TFDP2: variants seen among roughly 807,000 people sequenced by gnomAD.
TFDP2 encodes the protein transcription factor Dp-2 (E2F dimerization partner 2).
A neutral mutation model predicts 59.3 loss-of-function variants in TFDP2; 17 were observed. The ratio of observed to expected loss-of-function variants is 0.29; its 90% CI spans 0.20 to 0.43. The LOEUF (loss-of-function observed/expected upper bound fraction) is 0.43. TFDP2 is among the 20% of genes least tolerant of loss of function. The pLI, the probability that TFDP2 is intolerant of heterozygous loss-of-function variation, is 1.00. For synonymous variants in TFDP2, 180 were observed against 194.7 expected, an observed-to-expected ratio of 0.92 and a Z score of 0.63; for missense variants, 391 against 528.8, an observed-to-expected ratio of 0.74 and a Z score of 2.56.
intron 6 of TFDP2, among the ~76,000 whole-genome samples, chr3:141,989,890 AATAATT>A (rs1383059778): frequency 2.0e-5 from 3 of 147,332 alleles, no homozygotes; most frequent in African/African-American, 5.1e-5. Flanking sequence ...TAATAATAAT[AATAATT>A]ATTATTATTA....
At chr3:141,991,056 T>G (rs1942710090) in intron 6 of TFDP2, among the ~76,000 whole-genome samples, 5 of 152,006 alleles carry the variant, frequency 3.3e-5, no homozygotes, top group Admixed American at 3.3e-4. Flanking sequence ...AGACTCCATC[T>G]CAAAAAACAA....
chr3:142,137,769 G>C (rs1170299242), intron 1 of TFDP2, among the ~76,000 whole-genome samples: 1 of 152,196 alleles, frequency 6.6e-6, no homozygotes, highest in African/African-American at 2.4e-5. Flanking sequence ...TGTGCTGCTG[G>C]ATTGGATTTG....
chr3:142,018,047 AT>A (rs1945279139), intron 3 of TFDP2, among the ~76,000 whole-genome samples: 1 of 151,946 alleles, frequency 6.6e-6, no homozygotes, highest in South Asian at 2.1e-4. Flanking sequence ...GGTTCAGGCG[AT>A]TCTCCTGCCT....
chr3:141,959,865 G>A lies in TFDP2; in HGVS notation c.885-25C>T, dbSNP rs931752368. 1.9e-6 allele frequency: 3 copies of A among 1,612,492 alleles called. No individual in the cohort carries two copies. The African/African-American group carries it at 4.0e-5, about 22-fold the overall frequency. ...CCTGCATCAGGAAACAAAGTAAAGG[G>A]TTTTTGGTGGTGCTGGAGAGGTCTG... is the stretch of plus-strand genomic sequence containing the variant. On this transcript the variant is annotated intron_variant, in intron 10 of 12. Transcript: ENST00000489671.
At chr3:142,015,900 T>A (rs1945094269) in intron 3 of TFDP2, among the ~76,000 whole-genome samples, 1 of 152,242 alleles carries the variant, frequency 6.6e-6, no homozygotes, top group African/African-American at 2.4e-5. Context: ...TAAACTGAGA[T>A]GTGCTCTAGG....
chr3:142,116,123 G>A (rs901397621), intron 1 of TFDP2, among the ~76,000 whole-genome samples: 1 of 151,286 alleles, frequency 6.6e-6, no homozygotes, highest in Non-Finnish European at 1.5e-5. Context: ...GGAATGCAGT[G>A]GTGCAATCAC....
intron 10 of TFDP2, among the ~76,000 whole-genome samples, chr3:141,960,545 C>T (rs1427719685): frequency 6.6e-6 from 1 of 152,130 alleles, no homozygotes; most frequent in Non-Finnish European, 1.5e-5. Context: ...GGGCCTCAGC[C>T]CTGCAGGGAC....
At chr3:141,969,971 CCA>C in intron 9 of TFDP2, 100 bp downstream of exon 9, 1 of 1,179,136 alleles carries the variant, frequency 8.5e-7, no homozygotes, top group South Asian at 1.2e-5. Flanking sequence ...CGTGGGCTCA[CCA>C]CACACCACTC....
chr3:141,993,504 A>G (rs1318622025), intron 6 of TFDP2, 34 bp downstream of exon 6: 1 of 1,467,206 alleles, frequency 6.8e-7, no homozygotes. Flanking sequence ...ATATAGCCAA[A>G]TCTTCCAAAC....
chr3:142,027,080 C>CAAAG (rs1553781448), intron 3 of TFDP2, among the ~76,000 whole-genome samples: 27 of 151,904 alleles, frequency 1.8e-4, no homozygotes, highest in African/African-American at 6.3e-4. Context: ...ACTTTTGCAA[C>CAAAG]TGTTTCCTCT....
At position 141,951,687 on chromosome 3, in the gene TFDP2, T is replaced by C. The variant is rs1416771777; in HGVS notation, c.*826A>G. ...AAATGAAAAAGCTATATGAAATGCA[T>C]AGCTTTGATTAACCTAAAGATACAG... On this transcript the variant is annotated 3_prime_UTR_variant, in exon 13 of 13. Coordinates refer to ENST00000489671, the MANE Select transcript of TFDP2 (RefSeq NM_001178139.2). 1.3e-5 allele frequency: 2 copies of C among 152,650 alleles called. No individual in the cohort carries two copies. The highest frequency in any genetic ancestry group is 2.9e-5 in the Non-Finnish European group (2 of 68,036). The allele number at this position is 152,650 out of a possible 1,614,324, so 9.5% of individuals were successfully genotyped here.
At position 141,993,581 on chromosome 3, in the gene TFDP2, T is replaced by C. The variant is rs765512870; in HGVS notation, c.313A>G (p.Arg105Gly). ...TCTATAAATTTTCTAGCCCGTTTTC[T>C]ATCACTAAAAAGGAAAAAAGATAGC... ...AEATGWVPGD[R>G]KRARKFIDSD... is the part of the protein sequence containing the mutation. Residue 105 changes from arginine (R) to glycine (G), a missense_variant, in exon 6 of 13, where the codon AGA becomes GGA. By Grantham distance (125) the Arg-to-Gly change is moderately radical (BLOSUM62 -2). Transcript: ENST00000489671. The C allele has an allele frequency of 1.9e-6, 3 of 1,562,676 alleles. No homozygotes were observed. Among genetic ancestry groups the C allele is most frequent in the Admixed American group, 3.5e-5 (2 of 57,204 alleles).
chr3:141,991,621 C>A (rs750675597), intron 6 of TFDP2, among the ~76,000 whole-genome samples: 1 of 151,828 alleles, frequency 6.6e-6, no homozygotes, highest in Admixed American at 6.6e-5. Flanking sequence ...AGCGGGCACA[C>A]GCCTGTAGTC....
Position 141,969,925 on chromosome 3 carries a change from T to C in TFDP2, c.732+148A>G, listed in dbSNP as rs189892106. 2.2e-4 allele frequency: 161 copies of C among 732,328 alleles called. No individual in the cohort carries two copies. In the East Asian group the frequency reaches 4.0e-3, roughly 18 times the overall value. 45.4% of individuals were successfully genotyped at this position (732,328 alleles called of 1,614,324 possible). A position where few individuals can be genotyped will look rare whatever the true frequency, so the allele number is the denominator to read the frequency against. The stretch of plus-strand genomic sequence containing the variant: ...ACCATCTTAAGGCAGAGCACGTGGA[T>C]GGCAACAAGCTAGGAGGTGAGAGAG... On this transcript the variant is annotated intron_variant, in intron 9 of 12. Transcript: ENST00000489671.
chr3:142,146,978 T>C (rs2063202157), intron 1 of TFDP2, among the ~76,000 whole-genome samples: 1 of 150,318 alleles, frequency 6.7e-6, no homozygotes, highest in African/African-American at 2.5e-5. Flanking sequence ...TAACCCCAGC[T>C]ACTTGGGAGG....
intron 7 of TFDP2, 52 bp from the exon 8 acceptor site, chr3:141,974,243 T>C (rs776414815): frequency 1.4e-6 from 2 of 1,463,134 alleles, no homozygotes; most frequent in Admixed American, 4.7e-5. Context: ...TAAGATACAG[T>C]CACATGATAT....
At position 142,010,552 on chromosome 3, in the gene TFDP2, T is replaced by C. The variant is rs537853738; in HGVS notation, c.83-5008A>G. Among the ~76,000 whole-genome samples the C allele has an allele frequency of 2.9e-4, 40 of 139,486 alleles. No homozygotes were observed. The South Asian group carries it at 7.7e-3, about 27-fold the overall frequency. 91.5% of individuals were successfully genotyped at this position (139,486 alleles called of 152,430 possible). ...TGAACCCGGGAGGCAGAGGTTGCAG[T>C]GAGCCAAGATCGCGCTAATGAACTC... On this transcript the variant is annotated intron_variant, in intron 3 of 12. Transcript: ENST00000489671.
rs572055375 is a variant in TFDP2 at position 142,023,245 on chromosome 3, C to T, written c.83-17701G>A. ...TGTCACCTAGGCTGGAGTGCAGTGG[C>T]GTGATCTCAGCTCACCGTAACCTCC... On this transcript the variant is annotated intron_variant, in intron 3 of 12. Transcript: ENST00000489671. 2.6e-5 allele frequency among the ~76,000 whole-genome samples: 4 copies of T among 151,302 alleles called. No homozygotes were observed. In the South Asian group the frequency reaches 6.3e-4, roughly 24 times the overall value.
intron 3 of TFDP2, among the ~76,000 whole-genome samples, chr3:142,068,805 C>T (rs111370699): frequency 5.9e-5 from 9 of 151,878 alleles, no homozygotes; most frequent in East Asian, 1.9e-4. Flanking sequence ...TGGATCTGCC[C>T]GCCTCAGCCT....
Sources: allele counts gnomAD v4.1 joint callset (sites outside exome capture counted in the v4.1 genomes callset), GRCh38; gene constraint gnomAD v4.1.1; transcripts MANE v1.5; gene names NCBI Gene and HGNC (gene_info 2026-07-23, HGNC 2026-07-21).